RFX4: variants seen among roughly 807,000 people sequenced by gnomAD.
RFX4 encodes transcription factor RFX4.
Under a neutral mutation model 95.0 loss-of-function variants are expected in RFX4, and 10 were observed. That is an observed-to-expected ratio of 0.11 (90% CI 0.06 to 0.18). The LOEUF (loss-of-function observed/expected upper bound fraction) is 0.18, where lower values mean the gene tolerates loss of function less well. Ranked by LOEUF, RFX4 falls within the 10% of genes least tolerant of loss-of-function variation. The pLI, the probability that RFX4 is intolerant of heterozygous loss-of-function variation, is 1.00. For synonymous variants in RFX4, 321 were observed against 340.7 expected, an observed-to-expected ratio of 0.94 and a Z score of 0.64; for missense variants, 640 against 922.0, an observed-to-expected ratio of 0.69 and a Z score of 3.96.
intron 3 of RFX4, among the ~76,000 whole-genome samples, chr12:106,649,149 AATG>A (rs2040813818): frequency 6.6e-6 from 1 of 152,282 alleles, no homozygotes; most frequent in African/African-American, 2.4e-5. Flanking sequence ...ATGTCAGACT[AATG>A]ATGTCCTCTA....
intron 3 of RFX4, 51 bp downstream of exon 3, chr12:106,639,443 C>G (rs1166889650): frequency 1.3e-6 from 2 of 1,505,090 alleles, no homozygotes; most frequent in Non-Finnish European, 1.8e-6. Flanking sequence ...CTCATATCTT[C>G]TTGTCTATAG....
At chr12:106,606,003 G>A (rs1055131222) in intron 1 of RFX4, among the ~76,000 whole-genome samples, 1 of 152,166 alleles carries the variant, frequency 6.6e-6, no homozygotes, top group Non-Finnish European at 1.5e-5. Flanking sequence ...GTGCTGCCGT[G>A]AGGAAAGTTC....
chr12:106,651,912 C>A (rs1012373496), intron 3 of RFX4, among the ~76,000 whole-genome samples: 1 of 152,118 alleles, frequency 6.6e-6, no homozygotes, highest in Non-Finnish European at 1.5e-5. Context: ...TCTGTGAGAC[C>A]CCAGTTTGAG....
At chr12:106,616,192 C>G (rs1565951163) in intron 2 of RFX4, among the ~76,000 whole-genome samples, 2 of 152,142 alleles carry the variant, frequency 1.3e-5, no homozygotes, top group African/African-American at 2.4e-5. Flanking sequence ...TTATCAAACA[C>G]TTTTTCTACA....
At chr12:106,750,610 T>C in intron 16 of RFX4, 45 bp from the exon 17 acceptor site, 3 of 1,485,104 alleles carry the variant, frequency 2.0e-6, no homozygotes, top group Non-Finnish European at 2.7e-6. Flanking sequence ...AACTGATCTG[T>C]TCTTGCTATT....
intron 8 of RFX4, among the ~76,000 whole-genome samples, chr12:106,700,030 CT>C (rs1221428152): frequency 6.6e-6 from 1 of 151,912 alleles, no homozygotes; most frequent in Non-Finnish European, 1.5e-5. Context: ...GGTTGGCTTT[CT>C]TTTTCCCCCT....
intron 13 of RFX4, among the ~76,000 whole-genome samples, chr12:106,726,775 C>T (rs369771702): frequency 6.6e-6 from 1 of 151,992 alleles, no homozygotes; most frequent in African/African-American, 2.4e-5. Context: ...TATGACTCAA[C>T]CACACTTTTT....
intron 1 of RFX4, among the ~76,000 whole-genome samples, chr12:106,605,671 G>A (rs2137194599): frequency 6.6e-6 from 1 of 152,310 alleles, no homozygotes; most frequent in East Asian, 1.9e-4. Flanking sequence ...TGAACTGGAT[G>A]GCAAAGAAAT....
intron 1 of RFX4, among the ~76,000 whole-genome samples, chr12:106,600,869 A>G (rs539344374): frequency 6.0e-5 from 9 of 150,958 alleles, no homozygotes; most frequent in Non-Finnish European, 1.2e-4. Flanking sequence ...AAGCACCCCC[A>G]CCTCTCTTGA....
At chr12:106,608,953 C>T in intron 2 of RFX4, 70 bp downstream of exon 2, 1 of 1,422,852 alleles carries the variant, frequency 7.0e-7, no homozygotes, top group Non-Finnish European at 9.7e-7. Flanking sequence ...AGGGTAGTGC[C>T]ACTAGATTGC....
In RFX4 at chr12:106,704,065, C is replaced by CAAAAAAAA. The variant is rs34213070; in HGVS notation, c.834-5246_834-5239dup. On this transcript the variant is annotated intron_variant, in intron 8 of 17. Coordinates refer to ENST00000392842, the MANE Select transcript of RFX4 (RefSeq NM_213594.3). ...TGGGTGACATAGCAAGACACTGTCT[C>CAAAAAAAA]AAAAAAAAAAAAAAAAAAAAAAAAA... 1.5e-4 allele frequency among the ~76,000 whole-genome samples: 6 copies of CAAAAAAAA among 40,964 alleles called. 1 individual carries two copies. The highest frequency in any genetic ancestry group is 7.2e-5 in the African/African-American group (1 of 13,870). 26.9% of individuals were successfully genotyped at this position (40,964 alleles called of 152,430 possible).
At chr12:106,705,347 G>C (rs1365933579) in intron 8 of RFX4, among the ~76,000 whole-genome samples, 1 of 152,216 alleles carries the variant, frequency 6.6e-6, no homozygotes, top group Non-Finnish European at 1.5e-5. Flanking sequence ...AGCTGGAGCT[G>C]TAGACTTGGC....
intron 9 of RFX4, among the ~76,000 whole-genome samples, chr12:106,710,815 T>C (rs1304043624): frequency 6.6e-6 from 1 of 152,212 alleles, no homozygotes; most frequent in Admixed American, 6.5e-5. Context: ...ACATGTCTTG[T>C]CTGCGTTGAA....
chr12:106,670,575 CAGTATGA>C (rs2041261764), intron 4 of RFX4, among the ~76,000 whole-genome samples: 1 of 152,216 alleles, frequency 6.6e-6, no homozygotes, highest in African/African-American at 2.4e-5. Context: ...TCATTGCCCT[CAGTATGA>C]ATTTCTTGTA....
At chr12:106,711,616 ACTCT>A (rs940315497) in intron 10 of RFX4, 105 bp downstream of exon 10, 10 of 863,902 alleles carry the variant, frequency 1.2e-5, no homozygotes, top group African/African-American at 8.4e-5. Flanking sequence ...TTAACAGGGC[ACTCT>A]CTCTATTATT....
chr12:106,756,359 C>A (rs779332064), intron 17 of RFX4, among the ~76,000 whole-genome samples: 1 of 152,284 alleles, frequency 6.6e-6, no homozygotes, highest in South Asian at 2.1e-4. Context: ...GAACTGGGGA[C>A]CTTGAGCTCA....
chr12:106,716,271 G>A (rs2042289461), intron 11 of RFX4, among the ~76,000 whole-genome samples: 1 of 152,022 alleles, frequency 6.6e-6, no homozygotes, highest in South Asian at 2.1e-4. Context: ...CATAATTAGA[G>A]AACATCAGGT....
intron 1 of RFX4, chr12:106,601,391 A>G: frequency 6.5e-7 from 1 of 1,542,420 alleles, no homozygotes; most frequent in Non-Finnish European, 8.8e-7. Context: ...TGGGCCTGGC[A>G]CCCTCAGGGG....
chr12:106,752,785 C>T (rs2043034101), intron 17 of RFX4, among the ~76,000 whole-genome samples: 1 of 152,184 alleles, frequency 6.6e-6, no homozygotes, highest in Admixed American at 6.5e-5. Flanking sequence ...CAAATCAGCC[C>T]TCTGTGGCCT....
Sources: allele counts gnomAD v4.1 joint callset (sites outside exome capture counted in the v4.1 genomes callset), GRCh38; gene constraint gnomAD v4.1.1; transcripts MANE v1.5; gene names NCBI Gene and HGNC (gene_info 2026-07-23, HGNC 2026-07-21).